The following RABGAP1L variants were observed in gnomAD, a reference collection of about 807,000 sequenced individuals.
RABGAP1L encodes the protein RAB GTPase activating protein 1 like.
RABGAP1L carries 63 observed loss-of-function variants against 137.7 expected under a neutral mutation model. The ratio of observed to expected loss-of-function variants is 0.46; its 90% CI spans 0.37 to 0.56. The LOEUF is 0.56. Among genes scored for constraint, RABGAP1L ranks in the 20% least tolerant of loss-of-function variants. The probability of loss-of-function intolerance (pLI) is 0.00; values close to 1 mark genes in which losing one functional copy is unlikely to be tolerated. For missense variants in RABGAP1L, 1,095 were observed against 1,244.0 expected, an observed-to-expected ratio of 0.88 and a Z score of 1.80; for synonymous variants, 431 against 433.7, an observed-to-expected ratio of 0.99 and a Z score of 0.08.
intron 13 of RABGAP1L, among the ~76,000 whole-genome samples, chr1:174,504,044 C>T (rs771747205): frequency 6.6e-6 from 1 of 150,846 alleles, no homozygotes; most frequent in Non-Finnish European, 1.5e-5. Flanking sequence ...GTAATCTCGG[C>T]TCACCACAAA....
intron 13 of RABGAP1L, among the ~76,000 whole-genome samples, chr1:174,622,292 G>C (rs1672566238): frequency 6.6e-6 from 1 of 152,222 alleles, no homozygotes; most frequent in Non-Finnish European, 1.5e-5. Context: ...GGAAGTCAGT[G>C]TGGTGATTCC....
rs1311558207 is a variant in RABGAP1L at position 174,980,813 on chromosome 1, G to A, written c.2733+1923G>A. 3.3e-5 allele frequency among the ~76,000 whole-genome samples: 5 copies of A among 152,202 alleles called. No homozygotes were observed. In the East Asian group the frequency reaches 5.8e-4, roughly 18 times the overall value. On this transcript the variant is annotated intron_variant, in intron 23 of 25. Coordinates refer to ENST00000681986, the MANE Select transcript of RABGAP1L (RefSeq NM_001366446.1). ...AAATGTGGAACCAAGGAGACAGACC[G>A]CGAATACCAGAGTCCAACTGTAAGA...
At chr1:174,467,205 C>A (rs893221174) in intron 13 of RABGAP1L, among the ~76,000 whole-genome samples, 6 of 152,036 alleles carry the variant, frequency 3.9e-5, no homozygotes, top group African/African-American at 1.2e-4. Flanking sequence ...ATCTTATATG[C>A]CATCTGTCTA....
rs1656181351 is a variant in RABGAP1L at position 174,457,528 on chromosome 1, C to CT, written c.1710+63384dup. 3.7e-5 allele frequency among the ~76,000 whole-genome samples: 5 copies of CT among 136,274 alleles called. No individual in the cohort carries two copies. The South Asian group carries it at 1.2e-3, about 31-fold the overall frequency. 89.4% of individuals were successfully genotyped at this position (136,274 alleles called of 152,430 possible). On this transcript the variant is annotated intron_variant, in intron 13 of 25. Coordinates refer to ENST00000681986, the MANE Select transcript of RABGAP1L (RefSeq NM_001366446.1). ...ATGGAGTCTTGCTTTGTCACCCAGG[C>CT]TGGAGAGTGATCACCAGTGTCACCC...
At chr1:174,948,143 A>T (rs1031263697) in intron 19 of RABGAP1L, among the ~76,000 whole-genome samples, 12 of 152,228 alleles carry the variant, frequency 7.9e-5, no homozygotes, top group Non-Finnish European at 2.9e-5. Flanking sequence ...AAAATGAGAA[A>T]GAATGAGTAA....
intron 19 of RABGAP1L, among the ~76,000 whole-genome samples, chr1:174,917,677 A>G (rs1661091239): frequency 1.3e-5 from 2 of 152,208 alleles, no homozygotes; most frequent in South Asian, 4.1e-4. Context: ...TCACGCCTGT[A>G]ACCCCAGCAC....
intron 19 of RABGAP1L, among the ~76,000 whole-genome samples, chr1:174,825,313 G>T (rs986169654): frequency 3.3e-5 from 5 of 152,152 alleles, no homozygotes; most frequent in Non-Finnish European, 7.3e-5. Flanking sequence ...TCTCATTGTG[G>T]CACAAGTTCA....
At chr1:174,751,844 A>G (rs145067022) in intron 17 of RABGAP1L, among the ~76,000 whole-genome samples, 1 of 152,330 alleles carries the variant, frequency 6.6e-6, no homozygotes, top group Non-Finnish European at 1.5e-5. Flanking sequence ...GCAGTGTGAT[A>G]CTTAAAGCCT....
chr1:174,670,423 A>G (rs1218866666), intron 14 of RABGAP1L, among the ~76,000 whole-genome samples: 1 of 152,116 alleles, frequency 6.6e-6, no homozygotes, highest in Non-Finnish European at 1.5e-5. Context: ...TAGTTATTTT[A>G]AAATGTACAG....
At chr1:174,250,689 CAT>C in intron 6 of RABGAP1L, 57 bp downstream of exon 6, 1 of 1,473,608 alleles carries the variant, frequency 6.8e-7, no homozygotes. Context: ...AATATAGGCG[CAT>C]ATAAAGTTTC....
chr1:174,167,498 A>AG (rs1350411014), intron 1 of RABGAP1L, among the ~76,000 whole-genome samples: 1 of 152,204 alleles, frequency 6.6e-6, no homozygotes, highest in Non-Finnish European at 1.5e-5. Context: ...AGCTCTTTGA[A>AG]GACTACCATG....
At chr1:174,270,708 C>T (rs1382543664) in intron 7 of RABGAP1L, among the ~76,000 whole-genome samples, 1 of 151,946 alleles carries the variant, frequency 6.6e-6, no homozygotes, top group African/African-American at 2.4e-5. Flanking sequence ...AGCATTATTT[C>T]CTAAGGAGGC....
chr1:174,543,890 A>C (rs551097964), intron 13 of RABGAP1L, among the ~76,000 whole-genome samples: 1 of 152,292 alleles, frequency 6.6e-6, no homozygotes, highest in African/African-American at 2.4e-5. Flanking sequence ...CTGGGTTGAA[A>C]ATTCTTTTCT....
intron 13 of RABGAP1L, among the ~76,000 whole-genome samples, chr1:174,587,311 G>T (rs1669195722): frequency 9.4e-6 from 1 of 106,766 alleles, no homozygotes; most frequent in Non-Finnish European, 1.8e-5. Flanking sequence ...GGGGAGGGGG[G>T]AGGGATAGCA....
chr1:174,209,353 G>GT (rs907973501), intron 1 of RABGAP1L, among the ~76,000 whole-genome samples: 2 of 152,128 alleles, frequency 1.3e-5, no homozygotes, highest in African/African-American at 4.8e-5. Context: ...CCCTGGACCA[G>GT]AGGGGAGCCC....
chr1:174,527,077 T>C (rs1298322120), intron 13 of RABGAP1L, among the ~76,000 whole-genome samples: 1 of 152,226 alleles, frequency 6.6e-6, no homozygotes, highest in Non-Finnish European at 1.5e-5. Context: ...AATGTTTTTA[T>C]TGACCCAGTG....
At chr1:174,454,829 G>A (rs1655865338) in intron 13 of RABGAP1L, among the ~76,000 whole-genome samples, 1 of 151,924 alleles carries the variant, frequency 6.6e-6, no homozygotes, top group Non-Finnish European at 1.5e-5. Context: ...TGGGATGACA[G>A]GCATGAGCGA....
At chr1:174,451,719 C>T (rs1020628448) in intron 13 of RABGAP1L, among the ~76,000 whole-genome samples, 4 of 152,034 alleles carry the variant, frequency 2.6e-5, no homozygotes, top group South Asian at 2.1e-4. Context: ...TTTTTCTCAT[C>T]GTAAGTCTTT....
intron 1 of RABGAP1L, among the ~76,000 whole-genome samples, chr1:174,161,335 C>T (rs945596137): frequency 5.3e-5 from 8 of 151,190 alleles, no homozygotes; most frequent in African/African-American, 1.9e-4. Context: ...CTCCGCCTCC[C>T]GGGTTCAAGC....
Sources: gnomAD v4.1 joint callset for allele counts (sites outside exome capture counted in the v4.1 genomes callset) on GRCh38, gnomAD v4.1.1 for gene constraint, MANE v1.5 for transcripts, NCBI Gene and HGNC (gene_info 2026-07-23, HGNC 2026-07-21) for gene names.